Variants in COL5A1 observed in about 807,000 individuals in gnomAD.
The protein encoded by COL5A1 is collagen alpha-1(V) chain.
In COL5A1, 16 loss-of-function variants were observed where a neutral mutation model predicts 263.7. The ratio of observed to expected loss-of-function variants is 0.06; its 90% CI spans 0.04 to 0.09. COL5A1 has a LOEUF of 0.09. Ranked by LOEUF, COL5A1 falls within the 10% of genes least tolerant of loss-of-function variation. COL5A1 has a pLI of 1.00. For missense variants in COL5A1, 2,036 were observed against 2,540.5 expected (o/e 0.80, Z 4.27); for synonymous variants, 1,012 against 1,004.5 (o/e 1.01, Z -0.14).
At chr9:134,748,349 A>C (rs745766365) in intron 11 of COL5A1, among the ~76,000 whole-genome samples, 4 of 152,072 alleles carry the variant, frequency 2.6e-5, no homozygotes, top group African/African-American at 9.7e-5. Flanking sequence ...TCACACATTC[A>C]CACACATGCA....
At chr9:134,748,138 T>C (rs953286477) in intron 11 of COL5A1, among the ~76,000 whole-genome samples, 1 of 132,384 alleles carries the variant, frequency 7.6e-6, no homozygotes, top group Non-Finnish European at 1.7e-5. Flanking sequence ...CACACATGCA[T>C]ACACATGCAT....
chr9:134,763,811 C>A, intron 20 of COL5A1, 74 bp downstream of exon 20: 1 of 1,447,542 alleles, frequency 6.9e-7, no homozygotes, highest in Non-Finnish European at 9.7e-7. Flanking sequence ...CCTGCTGGAG[C>A]AGGATCTGGG....
intron 9 of COL5A1, among the ~76,000 whole-genome samples, chr9:134,733,437 A>T (rs1202057194): frequency 1.3e-5 from 2 of 152,062 alleles, no homozygotes; most frequent in East Asian, 1.9e-4. Context: ...TCCAGGCCCA[A>T]CCCAGGGGTG....
In COL5A1 at chr9:134,689,235, A is replaced by G. The variant is rs530558086; in HGVS notation, c.110-1677A>G. On this transcript the variant is annotated intron_variant, in intron 1 of 65. Transcript: ENST00000371817. ...CAGGAGTCCTTGAAAACCAGCAGAG[A>G]GGAAACCTGCGTGGCCATCCCATCT... is the stretch of plus-strand genomic sequence containing the variant. Among the ~76,000 whole-genome samples the G allele has an allele frequency of 3.7e-4, 57 of 152,258 alleles. No individual in the cohort carries two copies. In the South Asian group the frequency reaches 0.012, roughly 32 times the overall value.
chr9:134,679,928 C>A (rs1012468162), intron 1 of COL5A1, among the ~76,000 whole-genome samples: 1 of 151,918 alleles, frequency 6.6e-6, no homozygotes, highest in African/African-American at 2.4e-5. Flanking sequence ...GGGGCTTGTA[C>A]ATGGGGGGTT....
intron 51 of COL5A1, 57 bp from the exon 52 acceptor site, chr9:134,815,878 G>T: frequency 6.3e-7 from 1 of 1,593,108 alleles, no homozygotes; most frequent in Non-Finnish European, 8.6e-7. Context: ...GGGAACTGGT[G>T]CATGAACTCA....
chr9:134,653,058 C>T (rs542342512), intron 1 of COL5A1: 31 of 212,314 alleles, frequency 1.5e-4, no homozygotes, highest in African/African-American at 2.5e-4. Flanking sequence ...AGGGGAGAAG[C>T]GCTGGAGAGA....
intron 4 of COL5A1, among the ~76,000 whole-genome samples, chr9:134,713,825 G>C (rs1336658363): frequency 6.6e-6 from 1 of 152,186 alleles, no homozygotes; most frequent in African/African-American, 2.4e-5. Flanking sequence ...ACTGGGGTCT[G>C]AACCCGGGAC....
chr9:134,654,463 G>C (rs1418743152), intron 1 of COL5A1, among the ~76,000 whole-genome samples: 1 of 134,690 alleles, frequency 7.4e-6, no homozygotes, highest in Non-Finnish European at 1.6e-5. Context: ...TGTGTGTAGG[G>C]CTGGAGGTGT....
At chr9:134,811,470 A>T in intron 45 of COL5A1, 22 bp from the exon 46 acceptor site, 1 of 1,613,138 alleles carries the variant, frequency 6.2e-7, no homozygotes, top group East Asian at 2.2e-5. Flanking sequence ...ATCCTCACCC[A>T]TGGCCGGTTA....
Position 134,841,908 on chromosome 9 carries a change from G to A in COL5A1, c.5371-249G>A, listed in dbSNP as rs529936739. 1.3e-5 allele frequency among the ~76,000 whole-genome samples: 2 copies of A among 152,214 alleles called. No individual in the cohort carries two copies. The highest frequency in any genetic ancestry group is 4.8e-5 in the African/African-American group (2 of 41,528). On this transcript the variant is annotated intron_variant, in intron 65 of 65. Coordinates refer to ENST00000371817, the MANE Select transcript of COL5A1 (RefSeq NM_000093.5). This position sits in a 1 kb window ranked among gnomAD's most constrained non-coding sequence, Gnocchi z 4.8. The stretch of plus-strand genomic sequence containing the variant: ...CCTGAAGCCTTGGGAGGGTCCTGTC[G>A]CCTCGCTGATGCCCACACCACCCCA...
Position 134,642,271 on chromosome 9 carries a change from G to T in COL5A1, c.84G>T (p.Leu28=). ...PLLPPLLLLL[L]WAPPPSRAAQ... is the part of the protein sequence containing the mutation. ...TGCCCCCGCTGCTGCTGCTGCTGCT[G>T]TGGGCGCCGCCTCCGAGCCGCGCAG... The change falls in exon 1 of 66, where the codon CTG becomes CTT. Residue 28 remains leucine (L), a synonymous_variant. Coordinates refer to ENST00000371817, the MANE Select transcript of COL5A1 (RefSeq NM_000093.5). This position sits in a 1 kb window ranked among gnomAD's most constrained non-coding sequence, Gnocchi z 4.5. 8.3e-7 allele frequency: 1 copy of T among 1,205,272 alleles called. No individual in the cohort carries two copies. 74.7% of individuals were successfully genotyped at this position (1,205,272 alleles called of 1,614,324 possible). A position where few individuals can be genotyped will look rare whatever the true frequency, so the allele number is the denominator to read the frequency against.
At chr9:134,790,178 A>G (rs1306588138) in intron 32 of COL5A1, among the ~76,000 whole-genome samples, 2 of 152,222 alleles carry the variant, frequency 1.3e-5, no homozygotes, top group East Asian at 3.9e-4. Flanking sequence ...TTATGAGCAA[A>G]CAAATGTGTT....
At chr9:134,819,185 GA>G in intron 57 of COL5A1, 132 bp downstream of exon 57, 1 of 980,410 alleles carries the variant, frequency 1.0e-6, no homozygotes, top group South Asian at 1.4e-5. Context: ...TGGTGGTGGG[GA>G]ACCTGAGGGG....
chr9:134,776,172 C>A (rs929861668), intron 27 of COL5A1, among the ~76,000 whole-genome samples: 5 of 152,086 alleles, frequency 3.3e-5, no homozygotes, highest in Non-Finnish European at 5.9e-5. Flanking sequence ...GAGCCTTAGG[C>A]GAGTCAGGTT....
intron 19 of COL5A1, 57 bp downstream of exon 19, chr9:134,762,035 G>A (rs977105713): frequency 2.8e-5 from 44 of 1,584,806 alleles, no homozygotes; most frequent in Non-Finnish European, 3.5e-5. Context: ...TCAGTGATTT[G>A]GGCAGGAAAA....
At chr9:134,835,522 G>T (rs1839822010) in intron 65 of COL5A1, among the ~76,000 whole-genome samples, 2 of 152,248 alleles carry the variant, frequency 1.3e-5, no homozygotes. Flanking sequence ...ACCCGTTGTG[G>T]TTCCAGTTTG....
chr9:134,811,317 G>A (rs1315930505), intron 44 of COL5A1, 22 bp from the exon 45 acceptor site: 2 of 1,613,058 alleles, frequency 1.2e-6, no homozygotes, highest in Non-Finnish European at 1.7e-6. Context: ...AGCTACCTAT[G>A]TCTCTGTCTT....
chr9:134,763,828 C>A, intron 20 of COL5A1, 91 bp downstream of exon 20: 1 of 1,320,432 alleles, frequency 7.6e-7, no homozygotes, highest in Non-Finnish European at 1.1e-6. Context: ...TGGGATCAGC[C>A]AGGAGCTTAG....
Sources: gnomAD v4.1 joint callset for allele counts (sites outside exome capture counted in the v4.1 genomes callset) on GRCh38, gnomAD v4.1.1 for gene constraint, Gnocchi (gnomAD v3.1) non-coding constraint, MANE v1.5 for transcripts, NCBI Gene and HGNC (gene_info 2026-07-23, HGNC 2026-07-21) for gene names.